Variants in KIF13B observed in about 807,000 individuals in gnomAD.
KIF13B encodes the protein kinesin family member 13B.
Under a neutral mutation model 222.0 loss-of-function variants are expected in KIF13B, and 127 were observed. That is an observed-to-expected ratio of 0.57 (90% CI 0.50 to 0.66). The LOEUF (loss-of-function observed/expected upper bound fraction) is 0.66, where lower values mean the gene tolerates loss of function less well. Ranked by LOEUF, KIF13B falls within the 30% of genes least tolerant of loss-of-function variation. The pLI is 0.00. For missense variants in KIF13B, 2,173 were observed against 2,379.0 expected (o/e 0.91, Z 1.80); for synonymous variants, 976 against 919.0 (o/e 1.06, Z -1.12).
intron 1 of KIF13B, among the ~76,000 whole-genome samples, chr8:29,254,737 G>T (rs527970831): frequency 6.6e-6 from 1 of 152,322 alleles, no homozygotes; most frequent in South Asian, 2.1e-4. Context: ...TTGGAAAACA[G>T]TTCCTCAAAA....
At chr8:29,097,859 T>G (rs1808604911) in intron 36 of KIF13B, among the ~76,000 whole-genome samples, 1 of 151,946 alleles carries the variant, frequency 6.6e-6, no homozygotes, top group African/African-American at 2.4e-5. Flanking sequence ...TCACAAGAGA[T>G]CCTATAAGTA....
At chr8:29,204,615 G>C (rs1395519757) in intron 2 of KIF13B, among the ~76,000 whole-genome samples, 3 of 152,184 alleles carry the variant, frequency 2.0e-5, no homozygotes, top group African/African-American at 7.2e-5. Context: ...GAGGGTTTTT[G>C]ATGAAGTATA....
At chr8:29,200,530 A>G (rs1170163411) in intron 2 of KIF13B, among the ~76,000 whole-genome samples, 1 of 152,236 alleles carries the variant, frequency 6.6e-6, no homozygotes, top group Non-Finnish European at 1.5e-5. Context: ...AAAATCCTGT[A>G]CACCCTTCTC....
At chr8:29,145,608 G>T (rs1479325407) in intron 18 of KIF13B, among the ~76,000 whole-genome samples, 2 of 152,216 alleles carry the variant, frequency 1.3e-5, no homozygotes, top group Admixed American at 6.5e-5. Flanking sequence ...TCCAGCCTGG[G>T]TGACAGAGTA....
chr8:29,250,087 G>A (rs2130672149), intron 1 of KIF13B: 1 of 1,271,628 alleles, frequency 7.9e-7, no homozygotes, highest in Non-Finnish European at 1.0e-6. Flanking sequence ...AGTCAAATCT[G>A]TATCATACAC....
intron 14 of KIF13B, among the ~76,000 whole-genome samples, chr8:29,155,263 T>C (rs1811466962): frequency 6.6e-6 from 1 of 152,182 alleles, no homozygotes; most frequent in Non-Finnish European, 1.5e-5. Context: ...AACAGGGCGA[T>C]GGTCCGATAC....
intron 1 of KIF13B, 67 bp downstream of exon 1, chr8:29,262,913 C>G: frequency 2.2e-6 from 3 of 1,374,328 alleles, no homozygotes; most frequent in Non-Finnish European, 2.9e-6. Context: ...CCCACGGCGG[C>G]CGAGGGAAGG....
chr8:29,204,059 G>A (rs965936226), intron 2 of KIF13B, among the ~76,000 whole-genome samples: 1 of 152,126 alleles, frequency 6.6e-6, no homozygotes, highest in African/African-American at 2.4e-5. Context: ...AGGACAGTTG[G>A]TAGATACTGG....
chr8:29,106,993 G>A (rs1046522848), intron 35 of KIF13B, among the ~76,000 whole-genome samples: 1 of 152,144 alleles, frequency 6.6e-6, no homozygotes, highest in Non-Finnish European at 1.5e-5. Context: ...CACAAACTAC[G>A]ATGTGTGGTG....
chr8:29,179,739 A>G (rs1343954525), intron 8 of KIF13B, among the ~76,000 whole-genome samples: 1 of 152,214 alleles, frequency 6.6e-6, no homozygotes, highest in Admixed American at 6.5e-5. Context: ...CATGGACAGA[A>G]GCAACTTCTC....
rs147089450 is a variant in KIF13B at position 29,098,170 on chromosome 8, C to CAAAAAAAAAAAAAAAA, written c.4324+947_4324+962dup. On this transcript the variant is annotated intron_variant, in intron 36 of 39. Coordinates refer to ENST00000524189, the MANE Select transcript of KIF13B (RefSeq NM_015254.4). Reference sequence around the variant, plus strand: ...TGGGCGACAGAGTCAGACTCCATCTCAAAAAAAAAAAAAAAAAAAAGTAAG... The same window carrying CAAAAAAAAAAAAAAAA: ...TGGGCGACAGAGTCAGACTCCATCTCAAAAAAAAAAAAAAAAAAAAAAAAAAAAAAAAAAAAGTAAG... Among the ~76,000 whole-genome samples, 280 of 30,254 alleles carry CAAAAAAAAAAAAAAAA rather than the reference C, an allele frequency of 9.3e-3. 21 individuals carry two copies. The highest frequency in any genetic ancestry group is 0.016 in the African/African-American group (96 of 6,094). 19.8% of individuals were successfully genotyped at this position (30,254 alleles called of 152,430 possible).
intron 13 of KIF13B, among the ~76,000 whole-genome samples, chr8:29,160,524 T>C (rs1443880044): frequency 3.9e-5 from 6 of 152,222 alleles, no homozygotes; most frequent in Admixed American, 3.9e-4. Context: ...ATTTGACTTG[T>C]TGGAAATAAT....
chr8:29,072,625 G>C (rs933892694), intron 38 of KIF13B, among the ~76,000 whole-genome samples: 8 of 152,208 alleles, frequency 5.3e-5, no homozygotes, highest in Non-Finnish European at 7.3e-5. Context: ...AAGTGATAAA[G>C]GTTGAGGGGC....
intron 37 of KIF13B, among the ~76,000 whole-genome samples, chr8:29,083,846 T>C (rs143144883): frequency 1.3e-5 from 2 of 152,344 alleles, no homozygotes; most frequent in African/African-American, 4.8e-5. Flanking sequence ...AATGCTCATA[T>C]ATGTTATTTT....
intron 22 of KIF13B, among the ~76,000 whole-genome samples, chr8:29,132,927 C>A (rs980937243): frequency 6.6e-6 from 1 of 152,164 alleles, no homozygotes; most frequent in Admixed American, 6.5e-5. Flanking sequence ...AAAAAAAGAT[C>A]TAATTTGTGA....
At chr8:29,205,999 G>A (rs990077116) in intron 2 of KIF13B, among the ~76,000 whole-genome samples, 33 of 152,044 alleles carry the variant, frequency 2.2e-4, no homozygotes, top group Non-Finnish European at 1.9e-4. Context: ...GCTGAACTGG[G>A]AGGATCACTT....
chr8:29,107,705 T>C (rs867107867), intron 35 of KIF13B, among the ~76,000 whole-genome samples: 17 of 151,720 alleles, frequency 1.1e-4, no homozygotes, highest in Middle Eastern at 3.4e-3. Context: ...GGACTACAGG[T>C]GCCCGCCACC....
chr8:29,225,283 T>C (rs987243221), intron 2 of KIF13B, among the ~76,000 whole-genome samples: 4 of 152,196 alleles, frequency 2.6e-5, no homozygotes, highest in African/African-American at 7.2e-5. Flanking sequence ...ATTTTATGCA[T>C]ATTAACGCAT....
intron 2 of KIF13B, among the ~76,000 whole-genome samples, chr8:29,226,986 C>T (rs1815055194): frequency 6.6e-6 from 1 of 152,126 alleles, no homozygotes; most frequent in South Asian, 2.1e-4. Flanking sequence ...AATACTCACC[C>T]CTAAGACAGG....
Sources: allele counts gnomAD v4.1 joint callset (sites outside exome capture counted in the v4.1 genomes callset), GRCh38; gene constraint gnomAD v4.1.1; transcripts MANE v1.5; gene names NCBI Gene and HGNC (gene_info 2026-07-23, HGNC 2026-07-21).